PITPNM2: variants seen among roughly 807,000 people sequenced by gnomAD.
PITPNM2 encodes the protein membrane-associated phosphatidylinositol transfer protein 2.
In PITPNM2, 35 loss-of-function variants were observed where a neutral mutation model predicts 132.2. The ratio of observed to expected loss-of-function variants is 0.26; its 90% CI spans 0.20 to 0.35. The LOEUF (loss-of-function observed/expected upper bound fraction) is 0.35. Among genes scored for constraint, PITPNM2 ranks in the 10% least tolerant of loss-of-function variants. The pLI, the probability that PITPNM2 is intolerant of heterozygous loss-of-function variation, is 1.00. For synonymous variants in PITPNM2, 738 were observed against 799.2 expected (o/e 0.92, Z 1.29); for missense variants, 1,332 against 1,912.0 (o/e 0.70, Z 5.66).
chr12:123,014,421 C>T (rs1354936082), intron 3 of PITPNM2, among the ~76,000 whole-genome samples: 1 of 152,220 alleles, frequency 6.6e-6, no homozygotes. Context: ...TAATAAGAGG[C>T]AACTGGGCAC....
intron 2 of PITPNM2, among the ~76,000 whole-genome samples, chr12:123,054,601 C>T (rs1179617568): frequency 6.6e-6 from 1 of 152,196 alleles, no homozygotes; most frequent in African/African-American, 2.4e-5. Context: ...TGTCCTTCCA[C>T]GGATGGTGAA....
intron 1 of PITPNM2, among the ~76,000 whole-genome samples, chr12:123,128,521 AG>A (rs1187494901): frequency 2.7e-5 from 4 of 149,048 alleles, no homozygotes; most frequent in African/African-American, 9.9e-5. Flanking sequence ...TGGGAGGCTG[AG>A]GGGGGCAAAT....
At position 122,990,655 on chromosome 12, in the gene PITPNM2, G is replaced by A. The variant is rs368968116; in HGVS notation, c.2459C>T (p.Ser820Leu). Residue 820 changes from serine (S) to leucine (L), a missense_variant, in exon 17 of 26, where the codon TCG becomes TTG. Around this residue, in one of 6 missense-constraint regions of PITPNM2, gnomAD observed 710 missense variants for 911.5 expected, o/e 0.78. Coordinates refer to ENST00000320201, the MANE Select transcript of PITPNM2 (RefSeq NM_020845.3). ...AAFQEHGAPS[S>L]PGTAPASRGF... is the part of the protein sequence containing the mutation. ...ACGACTGGCAGGGGCAGTGCCCGGC[G>A]AGGAGGGGGCGCCATGCTCTTGGAA... The A allele has an allele frequency of 1.5e-5, 24 of 1,611,790 alleles. No individual in the cohort carries two copies. Among genetic ancestry groups the A allele is most frequent in the East Asian group, 8.9e-5 (4 of 44,900 alleles).
chr12:123,000,611 C>A lies in PITPNM2; in HGVS notation c.1224+167G>T, dbSNP rs1020766726. The A allele has an allele frequency of 1.3e-5, 10 of 746,008 alleles. No homozygotes were observed. In the East Asian group the frequency reaches 1.3e-4, roughly 10 times the overall value. 46.2% of individuals were successfully genotyped at this position (746,008 alleles called of 1,614,324 possible). A position where few individuals can be genotyped will look rare whatever the true frequency, so the allele number is the denominator to read the frequency against. ...GGCGACAGGCGCCTTCCTAGCAGGG[C>A]AGCAAAAAAGGAGGCCCAGGCCTCT... On this transcript the variant is annotated intron_variant, in intron 10 of 25. Coordinates refer to ENST00000320201, the MANE Select transcript of PITPNM2 (RefSeq NM_020845.3). The surrounding 1 kb of genome is among the most constrained non-coding windows in gnomAD (Gnocchi z 5.4).
At chr12:123,026,050 A>C (rs1176274885) in intron 3 of PITPNM2, among the ~76,000 whole-genome samples, 1 of 152,214 alleles carries the variant, frequency 6.6e-6, no homozygotes, top group Non-Finnish European at 1.5e-5. Flanking sequence ...CTCAAGGAAA[A>C]GACCTCAGCA....
intron 1 of PITPNM2, among the ~76,000 whole-genome samples, chr12:123,137,461 A>C (rs1320653824): frequency 6.6e-6 from 1 of 152,164 alleles, no homozygotes; most frequent in Non-Finnish European, 1.5e-5. Context: ...TCTGTGCCTG[A>C]CCAGGACAAC....
chr12:123,003,028 T>G (rs2038764536), intron 8 of PITPNM2, among the ~76,000 whole-genome samples: 1 of 152,216 alleles, frequency 6.6e-6, no homozygotes, highest in African/African-American at 2.4e-5. Context: ...TGTGAGCCAC[T>G]GTGCCTGGCC....
intron 2 of PITPNM2, among the ~76,000 whole-genome samples, chr12:123,047,271 A>G (rs1028502605): frequency 6.6e-6 from 1 of 152,248 alleles, no homozygotes; most frequent in Non-Finnish European, 1.5e-5. Flanking sequence ...TTCTTTCAGA[A>G]TATTTTGTAG....
At chr12:123,126,900 C>T (rs1315106301) in intron 1 of PITPNM2, among the ~76,000 whole-genome samples, 1 of 152,222 alleles carries the variant, frequency 6.6e-6, no homozygotes, top group Non-Finnish European at 1.5e-5. Flanking sequence ...GAAGCAGTGT[C>T]TGTTCTCTGG....
intron 4 of PITPNM2, 23 bp downstream of exon 4, chr12:123,013,805 C>T: frequency 6.2e-7 from 1 of 1,609,766 alleles, no homozygotes; most frequent in Non-Finnish European, 8.5e-7. Context: ...GTGGGAGGCA[C>T]ATGGAGGCCA....
chr12:123,070,869 C>A (rs191245037), intron 2 of PITPNM2, among the ~76,000 whole-genome samples: 1 of 152,220 alleles, frequency 6.6e-6, no homozygotes, highest in Non-Finnish European at 1.5e-5. Context: ...AATGCCGTGA[C>A]GTGTGACTCA....
chr12:123,039,355 A>G (rs2040381229), intron 2 of PITPNM2, among the ~76,000 whole-genome samples: 1 of 152,242 alleles, frequency 6.6e-6, no homozygotes, highest in Non-Finnish European at 1.5e-5. Context: ...GAGGTAATAA[A>G]TGGAGAAATC....
chr12:122,986,299 G>T lies in PITPNM2; in HGVS notation c.3778C>A (p.Arg1260=). The change falls in exon 26 of 26, where the codon CGG becomes AGG. Residue 1260 remains arginine, a synonymous_variant. Coordinates refer to ENST00000320201, the MANE Select transcript of PITPNM2 (RefSeq NM_020845.3). ...AHLAQLKYSH[R]ARPARNTATR... ...GCCGTGTTGCGAGCGGGCCGCGCCCGGTGGCTGTACTTCAGCTGCGCCAGG... is the reference window on the plus strand; with the variant it reads ...GCCGTGTTGCGAGCGGGCCGCGCCCTGTGGCTGTACTTCAGCTGCGCCAGG... 1 of 1,582,448 alleles carries T rather than the reference G, an allele frequency of 6.3e-7. No homozygotes were observed. The highest frequency in any genetic ancestry group is 1.8e-5 in the Admixed American group (1 of 55,648).
intron 3 of PITPNM2, among the ~76,000 whole-genome samples, chr12:123,024,915 A>C (rs984127495): frequency 6.6e-6 from 1 of 152,168 alleles, no homozygotes; most frequent in Non-Finnish European, 1.5e-5. Context: ...TATCTCAATA[A>C]AGCTGTTATA....
intron 2 of PITPNM2, among the ~76,000 whole-genome samples, chr12:123,043,880 C>T (rs1222384622): frequency 3.3e-5 from 5 of 152,118 alleles, no homozygotes; most frequent in East Asian, 1.9e-4. Flanking sequence ...TGGGTGGAAA[C>T]GGGCACAAAT....
chr12:123,024,510 G>A (rs940131953), intron 3 of PITPNM2, among the ~76,000 whole-genome samples: 1 of 152,150 alleles, frequency 6.6e-6, no homozygotes, highest in Non-Finnish European at 1.5e-5. Context: ...GCCAAAAAGT[G>A]GAAACAACCC....
chr12:123,067,118 G>A (rs2041449905), intron 2 of PITPNM2, among the ~76,000 whole-genome samples: 1 of 152,256 alleles, frequency 6.6e-6, no homozygotes, highest in South Asian at 2.1e-4. Flanking sequence ...GATTGAGGAT[G>A]GGCTCAAAAC....
intron 16 of PITPNM2, 130 bp from the exon 17 acceptor site, chr12:122,990,839 A>G (rs940577974): frequency 9.9e-7 from 1 of 1,013,462 alleles, no homozygotes; most frequent in Non-Finnish European, 1.4e-6. Flanking sequence ...TGCCAGAGCC[A>G]CCTGCTCAGG....
At chr12:123,124,206 G>T (rs58463629) in intron 1 of PITPNM2, among the ~76,000 whole-genome samples, 2 of 152,114 alleles carry the variant, frequency 1.3e-5, no homozygotes, top group East Asian at 3.9e-4. Context: ...CAGTGAGCCC[G>T]AGATTGTGCC....
Sources: gnomAD v4.1 joint callset for allele counts (sites outside exome capture counted in the v4.1 genomes callset) on GRCh38, gnomAD v4.1.1 for gene constraint, gnomAD v4.1.1 regional missense constraint, Gnocchi (gnomAD v3.1) non-coding constraint, MANE v1.5 for transcripts, NCBI Gene and HGNC (gene_info 2026-07-23, HGNC 2026-07-21) for gene names.